KIAA2012: variants seen among roughly 807,000 people sequenced by gnomAD.
KIAA2012 encodes the protein KIAA2012, also known as uncharacterized protein KIAA2012.
Under a neutral mutation model 150.6 loss-of-function variants are expected in KIAA2012, and 125 were observed. The ratio of observed to expected loss-of-function variants is 0.83; its 90% CI spans 0.72 to 0.96. The LOEUF (loss-of-function observed/expected upper bound fraction) is 0.96, where lower values mean the gene tolerates loss of function less well. KIAA2012 is among the 40% of genes least tolerant of loss of function. KIAA2012 has a pLI of 0.00. For missense variants in KIAA2012, 1,219 were observed against 1,354.9 expected (o/e 0.90, Z 1.57); for synonymous variants, 462 against 504.7 (o/e 0.92, Z 1.13).
Position 202,105,757 on chromosome 2 carries a change from C to G in KIAA2012, c.1325-4C>G. On this transcript the variant is annotated splice_region_variant and splice_polypyrimidine_tract_variant and intron_variant, in intron 8 of 23. Coordinates refer to ENST00000498697, the MANE Select transcript of KIAA2012 (RefSeq NM_001277372.4). ...TACAATTCAGCCTCCTCTTTGTCTC[C>G]TAGGTGCTCCACACCCTGAGTCAGA... 1 of 1,550,126 alleles carries G rather than the reference C, an allele frequency of 6.5e-7. No homozygotes were observed. Among genetic ancestry groups the G allele is most frequent in the South Asian group, 1.2e-5 (1 of 84,000 alleles).
At chr2:202,151,290 G>A (rs759451463) in intron 13 of KIAA2012, among the ~76,000 whole-genome samples, 27 of 152,132 alleles carry the variant, frequency 1.8e-4, no homozygotes, top group Non-Finnish European at 2.6e-4. Context: ...CCAACTACTC[G>A]GTAGACTAAA....
At chr2:202,183,650 T>G (rs1214361112) in intron 15 of KIAA2012, among the ~76,000 whole-genome samples, 1 of 151,802 alleles carries the variant, frequency 6.6e-6, no homozygotes, top group Non-Finnish European at 1.5e-5. Flanking sequence ...ATCACAGGCA[T>G]GCACCACCAC....
chr2:202,151,353 C>T (rs1278932596), intron 13 of KIAA2012, among the ~76,000 whole-genome samples: 4 of 151,986 alleles, frequency 2.6e-5, no homozygotes, highest in East Asian at 1.9e-4. Flanking sequence ...GCCAAGATTG[C>T]GCCACTGCAC....
intron 8 of KIAA2012, 130 bp downstream of exon 8, chr2:202,103,244 G>T: frequency 1.2e-6 from 1 of 869,452 alleles, no homozygotes; most frequent in Non-Finnish European, 1.7e-6. Flanking sequence ...TTTTAAAGAA[G>T]GAAAAAGGAT....
chr2:202,101,220 G>C (rs987405441), intron 7 of KIAA2012, among the ~76,000 whole-genome samples: 1 of 152,216 alleles, frequency 6.6e-6, no homozygotes, highest in African/African-American at 2.4e-5. Context: ...ATTAATTGCA[G>C]GGATTCATGT....
rs568985096 is a variant in KIAA2012, at chr2:202,123,838, T to C, written c.1763-1376T>C. Among the ~76,000 whole-genome samples, 14 of 152,102 alleles carry C rather than the reference T, an allele frequency of 9.2e-5. No individual in the cohort carries two copies. In the South Asian group the frequency reaches 2.1e-3, roughly 23 times the overall value. ...ATATCTCACACCTCCCTCTCCCTTC[T>C]CTCTCTCTCCGCTTCTCTCTCTCTC... On this transcript the variant is annotated intron_variant, in intron 11 of 23. Transcript: ENST00000498697.
rs1204077627 is a variant in KIAA2012 at position 202,193,637 on chromosome 2, C to T, written c.3014+134C>T. The stretch of plus-strand genomic sequence containing the variant: ...AGTTAAAATAGCATGTGTCATTTTT[C>T]TCTATCCTCAGTTTTCCTAGGAACA... On this transcript the variant is annotated intron_variant, in intron 20 of 23. Transcript: ENST00000498697. The T allele has an allele frequency of 4.7e-5, 41 of 873,392 alleles. No individual in the cohort carries two copies. The East Asian group carries it at 1.0e-3, about 22-fold the overall frequency. The allele number at this position is 873,392 out of a possible 1,614,324, so 54.1% of individuals were successfully genotyped here. A position where few individuals can be genotyped will look rare whatever the true frequency, so the allele number is the denominator to read the frequency against.
At chr2:202,117,596 C>G (rs1411156904) in intron 11 of KIAA2012, among the ~76,000 whole-genome samples, 3 of 152,234 alleles carry the variant, frequency 2.0e-5, no homozygotes, top group Non-Finnish European at 4.4e-5. Context: ...TTTCTGTGAT[C>G]ACAGGCAAAT....
At chr2:202,122,047 T>C (rs528768455) in intron 11 of KIAA2012, among the ~76,000 whole-genome samples, 1 of 151,614 alleles carries the variant, frequency 6.6e-6, no homozygotes, top group East Asian at 1.9e-4. Flanking sequence ...ACGTGGATAA[T>C]GAGGAGCAGC....
chr2:202,164,532 A>G (rs994522763), intron 14 of KIAA2012, among the ~76,000 whole-genome samples: 6 of 152,206 alleles, frequency 3.9e-5, no homozygotes, highest in African/African-American at 1.4e-4. Flanking sequence ...AAATGTGATA[A>G]GAAACCAAAT....
chr2:202,194,826 T>C (rs911255671), intron 21 of KIAA2012, among the ~76,000 whole-genome samples: 1 of 152,186 alleles, frequency 6.6e-6, no homozygotes, highest in African/African-American at 2.4e-5. Context: ...TGGAGTGCAA[T>C]GATGTGATCT....
chr2:202,093,567 G>T (rs1490718232), intron 4 of KIAA2012, among the ~76,000 whole-genome samples: 1 of 152,146 alleles, frequency 6.6e-6, no homozygotes, highest in African/African-American at 2.4e-5. Context: ...TCTTAGATCT[G>T]TTCCACTCTT....
chr2:202,201,896 A>G (rs1360495186), intron 22 of KIAA2012: 1 of 1,048,486 alleles, frequency 9.5e-7, no homozygotes, highest in Non-Finnish European at 1.5e-6. Context: ...TGGTGGCTGC[A>G]GGTCCGGTTC....
chr2:202,153,859 C>A (rs182529098), intron 13 of KIAA2012, among the ~76,000 whole-genome samples: 1 of 152,288 alleles, frequency 6.6e-6, no homozygotes, highest in Non-Finnish European at 1.5e-5. Flanking sequence ...CAGGGCCAGG[C>A]AGGAAGGGCT....
intron 11 of KIAA2012, among the ~76,000 whole-genome samples, chr2:202,120,511 C>T (rs577594548): frequency 3.9e-5 from 6 of 152,316 alleles, no homozygotes; most frequent in African/African-American, 1.4e-4. Context: ...TCCAGTGAGG[C>T]CAGAGCTTTT....
At chr2:202,088,612 C>T (rs1689639174) in intron 2 of KIAA2012, among the ~76,000 whole-genome samples, 1 of 152,176 alleles carries the variant, frequency 6.6e-6, no homozygotes, top group Non-Finnish European at 1.5e-5. Context: ...AGCGTGCACC[C>T]TCTCACCTTA....
At chr2:202,186,865 C>T in intron 16 of KIAA2012, 68 bp from the exon 17 acceptor site, 1 of 1,495,356 alleles carries the variant, frequency 6.7e-7, no homozygotes, top group South Asian at 1.3e-5. Context: ...GATGTTGGCT[C>T]ACTTGCCCTC....
At chr2:202,090,721 T>C in intron 2 of KIAA2012, 49 bp from the exon 3 acceptor site, 1 of 1,496,818 alleles carries the variant, frequency 6.7e-7, no homozygotes. Context: ...TATCACTGGG[T>C]GGCTCAGGGG....
chr2:202,095,905 G>A (rs558861469), intron 4 of KIAA2012, among the ~76,000 whole-genome samples: 1 of 152,258 alleles, frequency 6.6e-6, no homozygotes, highest in South Asian at 2.1e-4. Flanking sequence ...CCAACATGGT[G>A]AAACCCCGTC....
Sources: allele counts gnomAD v4.1 joint callset (sites outside exome capture counted in the v4.1 genomes callset), GRCh38; gene constraint gnomAD v4.1.1; transcripts MANE v1.5; gene names NCBI Gene and HGNC (gene_info 2026-07-23, HGNC 2026-07-21).